MACC1: variants seen among roughly 807,000 people sequenced by gnomAD.
MACC1 encodes metastasis-associated in colon cancer protein 1.
Under a neutral mutation model 70.7 loss-of-function variants are expected in MACC1, and 79 were observed. The observed-to-expected ratio is 1.12, with a 90% CI of 0.93 to 1.35. The LOEUF is 1.35. Ranked by LOEUF, MACC1 falls within the 40% of genes most tolerant of loss-of-function variation. The pLI, the probability that MACC1 is intolerant of heterozygous loss-of-function variation, is 0.00. For synonymous variants in MACC1, 361 were observed against 347.2 expected (o/e 1.04, Z -0.44); for missense variants, 1,106 against 978.1 (o/e 1.13, Z -1.74).
At chr7:20,200,391 C>A (rs528446165) in intron 1 of MACC1, among the ~76,000 whole-genome samples, 4 of 152,108 alleles carry the variant, frequency 2.6e-5, no homozygotes, top group African/African-American at 9.7e-5. Context: ...AGAAAACACA[C>A]GATGACTTCC....
chr7:20,161,213 AG>A (rs1297529648), intron 4 of MACC1, among the ~76,000 whole-genome samples: 2 of 152,238 alleles, frequency 1.3e-5, no homozygotes, highest in African/African-American at 4.8e-5. Context: ...CCAAATTTTC[AG>A]AAGTTCTACT....
In MACC1 at chr7:20,143,681, G is replaced by A. The variant is rs551602779; in HGVS notation, c.2347-2523C>T. Among the ~76,000 whole-genome samples, 33 of 152,234 alleles carry A rather than the reference G, an allele frequency of 2.2e-4. No individual in the cohort carries two copies. The South Asian group carries it at 4.4e-3, about 20-fold the overall frequency. ...TGGGATTACAGGCATGAGCCACCAC[G>A]CCCAGCCCTACATTTGGCAATTTGT... On this transcript the variant is annotated intron_variant, in intron 6 of 6. Transcript: ENST00000400331.
chr7:20,160,048 T>C lies in MACC1; in HGVS notation c.313A>G (p.Arg105Gly), dbSNP rs780366220. Residue 105 changes from arginine to glycine, a missense_variant, in exon 5 of 7, where the codon AGA (arginine) becomes GGA (glycine). Transcript: ENST00000400331. Reference sequence around the variant, plus strand: ...AAAGAATTTCCATTTTCTATTTCTCTACAGAAAAGAAAAGGATCTTCCTTT... The same window carrying C: ...AAAGAATTTCCATTTTCTATTTCTCCACAGAAAAGAAAAGGATCTTCCTTT... Reference protein sequence around the residue: ...ILKEDPFLFCREIENGNSFDS... With the variant: ...ILKEDPFLFCGEIENGNSFDS... 2.0e-5 allele frequency: 33 copies of C among 1,610,534 alleles called. No individual in the cohort carries two copies. In the East Asian group the frequency reaches 7.4e-4, roughly 36 times the overall value.
intron 1 of MACC1, among the ~76,000 whole-genome samples, chr7:20,188,920 A>T (rs957920184): frequency 6.6e-6 from 1 of 152,246 alleles, no homozygotes; most frequent in Admixed American, 6.5e-5. Flanking sequence ...TATATAGCCT[A>T]TATGGCTTTA....
rs1345884892 is a variant in MACC1, at chr7:20,154,238, T to A, written c.2301A>T (p.Ala767=). 6.2e-7 allele frequency: 1 copy of A among 1,614,048 alleles called. No individual in the cohort carries two copies. The highest frequency in any genetic ancestry group is 8.5e-7 in the Non-Finnish European group (1 of 1,179,930). Reference sequence around the variant, plus strand: ...TGTTTCCTCGATGAGGAATTTCATATGCCTCCATTTGTTGCTTTGTGAGTC... The same window carrying A: ...TGTTTCCTCGATGAGGAATTTCATAAGCCTCCATTTGTTGCTTTGTGAGTC... ...LVRLTKQQME[A]YEIPHRGNTG... is the part of the protein sequence containing the mutation. Residue 767 remains alanine, a synonymous_variant, in exon 6 of 7, where the codon GCA becomes GCT. Transcript: ENST00000400331.
At chr7:20,165,192 A>T (rs761026893) in intron 2 of MACC1, among the ~76,000 whole-genome samples, 1 of 152,172 alleles carries the variant, frequency 6.6e-6, no homozygotes, top group Non-Finnish European at 1.5e-5. Flanking sequence ...ACTCAGTGGC[A>T]CCAGGATCAC....
Position 20,193,024 on chromosome 7 carries a change from G to A in MACC1, c.-217-22246C>T, listed in dbSNP as rs7779242. 2.6e-5 allele frequency among the ~76,000 whole-genome samples: 4 copies of A among 152,222 alleles called. No homozygotes were observed. The South Asian group carries it at 8.3e-4, about 32-fold the overall frequency. On this transcript the variant is annotated intron_variant, in intron 1 of 6. Coordinates refer to ENST00000400331, the MANE Select transcript of MACC1 (RefSeq NM_182762.4). ...TATAATTTCATATTATTTTTCTTAA[G>A]ATGCCCCTGTTGCCAAGTGGTATAA...
chr7:20,210,279 A>G (rs1270699120), intron 1 of MACC1, among the ~76,000 whole-genome samples: 2 of 152,264 alleles, frequency 1.3e-5, no homozygotes, highest in South Asian at 2.1e-4. Context: ...TCTTTACCCA[A>G]AAAAGCATCT....
chr7:20,153,939 A>C (rs1341664726), intron 6 of MACC1, among the ~76,000 whole-genome samples: 1 of 152,182 alleles, frequency 6.6e-6, no homozygotes, highest in Non-Finnish European at 1.5e-5. Context: ...TGATCAATTA[A>C]TTCATTGATC....
rs1156821349 is a variant in MACC1, at chr7:20,137,177, G to C, written c.*3769C>G. ...AAAAATTCAAGTCCTTCAACTTCCA[G>C]TTATAGCATTGTACAAATTTGAGTG... On this transcript the variant is annotated 3_prime_UTR_variant, in exon 7 of 7. Transcript: ENST00000400331. The C allele has an allele frequency of 5.3e-5, 8 of 152,034 alleles. No homozygotes were observed. The South Asian group carries it at 1.4e-3, about 28-fold the overall frequency. 9.4% of individuals were successfully genotyped at this position (152,034 alleles called of 1,614,324 possible). A position where few individuals can be genotyped will look rare whatever the true frequency, so the allele number is the denominator to read the frequency against.
At chr7:20,169,287 C>T (rs1782266072) in intron 2 of MACC1, among the ~76,000 whole-genome samples, 1 of 152,160 alleles carries the variant, frequency 6.6e-6, no homozygotes, top group Non-Finnish European at 1.5e-5. Flanking sequence ...TGGGATTGGA[C>T]AAGTTTAATT....
chr7:20,173,602 G>A (rs1347125341), intron 1 of MACC1, among the ~76,000 whole-genome samples: 1 of 152,200 alleles, frequency 6.6e-6, no homozygotes, highest in African/African-American at 2.4e-5. Context: ...TATGCAAAAA[G>A]TGGGTTGCAA....
intron 2 of MACC1, among the ~76,000 whole-genome samples, chr7:20,165,795 T>C (rs1782208964): frequency 6.6e-6 from 1 of 152,148 alleles, no homozygotes; most frequent in African/African-American, 2.4e-5. Flanking sequence ...GGGACATGGT[T>C]TTTCAATATG....
At chr7:20,209,687 G>T (rs760299111) in intron 1 of MACC1, among the ~76,000 whole-genome samples, 4 of 152,156 alleles carry the variant, frequency 2.6e-5, no homozygotes, top group Non-Finnish European at 5.9e-5. Context: ...CTTTGGGGGG[G>T]ACTATTGGAA....
At chr7:20,213,675 T>C (rs1255639224) in intron 1 of MACC1, among the ~76,000 whole-genome samples, 1 of 152,170 alleles carries the variant, frequency 6.6e-6, no homozygotes, top group East Asian at 1.9e-4. Flanking sequence ...AAATACTGCA[T>C]GTTCTTATTT....
At chr7:20,209,741 C>T (rs891134764) in intron 1 of MACC1, among the ~76,000 whole-genome samples, 6 of 152,036 alleles carry the variant, frequency 3.9e-5, no homozygotes, top group Middle Eastern at 3.2e-3. Context: ...AGATTTGGGG[C>T]AGGGGTGAAA....
intron 1 of MACC1, among the ~76,000 whole-genome samples, chr7:20,201,251 T>A (rs1008599244): frequency 6.6e-6 from 1 of 152,208 alleles, no homozygotes; most frequent in Non-Finnish European, 1.5e-5. Context: ...CCCCATGGAC[T>A]AATTATGCAG....
intron 3 of MACC1, among the ~76,000 whole-genome samples, chr7:20,162,695 C>T (rs934738032): frequency 2.0e-5 from 3 of 152,106 alleles, no homozygotes; most frequent in Non-Finnish European, 2.9e-5. Context: ...GTGGATTATT[C>T]ATTAAACAGT....
intron 3 of MACC1, among the ~76,000 whole-genome samples, 193 bp from the exon 4 acceptor site, chr7:20,162,063 C>G (rs1782146998): frequency 6.6e-6 from 1 of 151,974 alleles, no homozygotes; most frequent in Non-Finnish European, 1.5e-5. Flanking sequence ...AAAAAATGAT[C>G]AAATTCCAGA....
Sources: gnomAD v4.1 joint callset for allele counts (sites outside exome capture counted in the v4.1 genomes callset) on GRCh38, gnomAD v4.1.1 for gene constraint, MANE v1.5 for transcripts, NCBI Gene and HGNC (gene_info 2026-07-23, HGNC 2026-07-21) for gene names.